The following NBAS variants were observed in gnomAD, a reference collection of about 807,000 sequenced individuals.
NBAS encodes NBAS subunit of NRZ tethering complex.
In NBAS, 219 loss-of-function variants were observed where a neutral mutation model predicts 302.5. The observed-to-expected ratio is 0.72, with a 90% CI of 0.65 to 0.81. The LOEUF (loss-of-function observed/expected upper bound fraction) is 0.81, where lower values mean the gene tolerates loss of function less well. Among genes scored for constraint, NBAS ranks in the 30% least tolerant of loss-of-function variants. NBAS has a pLI of 0.00. For missense variants in NBAS, 2,932 were observed against 2,841.6 expected (o/e 1.03, Z -0.72); for synonymous variants, 1,118 against 1,021.6 (o/e 1.09, Z -1.80).
At chr2:15,122,561 A>G in the NBAS span, among the ~76,000 whole-genome samples, 9,351 of 152,168 alleles carry the variant, frequency 0.061, 698 homozygotes, top group East Asian at 0.25. Flanking sequence ...TCACATTTCA[A>G]CATGAGATTT....
chr2:15,013,986 G>C, the NBAS span, among the ~76,000 whole-genome samples: 18 of 151,742 alleles, frequency 1.2e-4, no homozygotes, highest in African/African-American at 4.1e-4. Context: ...GAAACCAAAA[G>C]CAAACAAAAG....
chr2:15,538,561 T>A (rs1465785786), intron 7 of NBAS, among the ~76,000 whole-genome samples: 1 of 152,162 alleles, frequency 6.6e-6, no homozygotes, highest in Non-Finnish European at 1.5e-5. Flanking sequence ...GCTCCCCAGG[T>A]GATTCTAAGA....
chr2:14,811,085 A>T, the NBAS span, among the ~76,000 whole-genome samples: 2 of 152,252 alleles, frequency 1.3e-5, no homozygotes, highest in South Asian at 4.1e-4. Flanking sequence ...GTGGCTAATG[A>T]TATAGGGTTT....
At chr2:14,908,133 G>A in the NBAS span, among the ~76,000 whole-genome samples, 2 of 152,218 alleles carry the variant, frequency 1.3e-5, no homozygotes, top group African/African-American at 4.8e-5. Flanking sequence ...GGAGGCCGAG[G>A]CAGGCGGATC....
At chr2:15,051,027 C>T in the NBAS span, among the ~76,000 whole-genome samples, 1 of 152,174 alleles carries the variant, frequency 6.6e-6, no homozygotes, top group Non-Finnish European at 1.5e-5. Context: ...CAGCATATTA[C>T]TTATCCTTTT....
chr2:15,148,523 G>A, the NBAS span, among the ~76,000 whole-genome samples: 1 of 152,152 alleles, frequency 6.6e-6, no homozygotes, highest in African/African-American at 2.4e-5. Flanking sequence ...AGTGGTACCT[G>A]TGTGAAGTCT....
At chr2:14,909,176 C>T in the NBAS span, among the ~76,000 whole-genome samples, 1 of 151,706 alleles carries the variant, frequency 6.6e-6, no homozygotes, top group African/African-American at 2.4e-5. Context: ...AAACATTAGC[C>T]GGGCATGGTG....
chr2:15,134,121 T>A, the NBAS span, among the ~76,000 whole-genome samples: 1 of 150,166 alleles, frequency 6.7e-6, no homozygotes, highest in African/African-American at 2.4e-5. Flanking sequence ...CCTCCCCAAA[T>A]TCACATGTTG....
chr2:14,779,618 A>T, the NBAS span, among the ~76,000 whole-genome samples: 1 of 152,016 alleles, frequency 6.6e-6, no homozygotes, highest in East Asian at 1.9e-4. Flanking sequence ...TCACTCCTTT[A>T]GTTCTCACCT....
At chr2:15,468,202 T>G (rs1679807580) in intron 17 of NBAS, among the ~76,000 whole-genome samples, 180 bp downstream of exon 17, 1 of 152,218 alleles carries the variant, frequency 6.6e-6, no homozygotes, top group Non-Finnish European at 1.5e-5. Flanking sequence ...ATATTTATAT[T>G]TTTTAAAAAG....
the NBAS span, among the ~76,000 whole-genome samples, chr2:14,982,934 T>A: frequency 6.6e-6 from 1 of 152,104 alleles, no homozygotes; most frequent in East Asian, 1.9e-4. Context: ...AGAAAAAATA[T>A]CAAAAAGAGT....
chr2:15,307,742 T>C (rs1671091917), intron 40 of NBAS, among the ~76,000 whole-genome samples: 1 of 152,188 alleles, frequency 6.6e-6, no homozygotes, highest in African/African-American at 2.4e-5. Context: ...TCTGAGGTTT[T>C]TGGCAAGTAT....
chr2:15,286,286 T>C (rs1468549709), intron 42 of NBAS, among the ~76,000 whole-genome samples: 3 of 152,184 alleles, frequency 2.0e-5, no homozygotes, highest in African/African-American at 4.8e-5. Context: ...CCACCCTAAC[T>C]TTCCTAACAT....
At position 15,190,370 on chromosome 2, in the gene NBAS, G is replaced by A. The variant is rs575445500; in HGVS notation, c.6466C>T (p.Arg2156Cys). ...DIADIENEEN[R>C]YCLFMELLES... ...AGGAGTTCCATGAATAGACAGTAGCGGTTCTCTTCATTCTCAATGTCAGCT... is the reference window on the plus strand; with the variant it reads ...AGGAGTTCCATGAATAGACAGTAGCAGTTCTCTTCATTCTCAATGTCAGCT... Residue 2156 changes from arginine (R) to cysteine (C), a missense_variant, in exon 49 of 52, where the codon CGC becomes TGC. Arg to Cys is a radical substitution (Grantham distance 180, BLOSUM62 -3). Transcript: ENST00000281513. The A allele has an allele frequency of 1.4e-5, 22 of 1,613,832 alleles. No homozygotes were observed. The highest frequency in any genetic ancestry group is 1.3e-4 in the East Asian group (6 of 44,862).
At chr2:14,889,398 T>G in the NBAS span, among the ~76,000 whole-genome samples, 1 of 152,200 alleles carries the variant, frequency 6.6e-6, no homozygotes, top group Non-Finnish European at 1.5e-5. Flanking sequence ...CTAAACCAAC[T>G]GACTCCACAC....
intron 16 of NBAS, among the ~76,000 whole-genome samples, chr2:15,471,689 A>G (rs1336185519): frequency 2.6e-5 from 4 of 152,188 alleles, no homozygotes; most frequent in African/African-American, 9.6e-5. Flanking sequence ...ATGTTTGGAA[A>G]TGAGACCTTT....
chr2:15,074,348 A>AGGAAGGAAGGAT, the NBAS span, among the ~76,000 whole-genome samples: 2 of 146,476 alleles, frequency 1.4e-5, no homozygotes. Context: ...GAGGGAGGGA[A>AGGAAGGAAGGAT]GGAAGGAAGG....
At chr2:15,463,450 C>T (rs1679591495) in intron 19 of NBAS, among the ~76,000 whole-genome samples, 1 of 152,130 alleles carries the variant, frequency 6.6e-6, no homozygotes, top group Admixed American at 6.6e-5. Flanking sequence ...TCTTCCTAGT[C>T]GCATACTAAG....
the NBAS span, among the ~76,000 whole-genome samples, chr2:14,905,444 C>T: frequency 1.3e-5 from 2 of 152,166 alleles, no homozygotes; most frequent in African/African-American, 2.4e-5. Context: ...CTCAGTGCCT[C>T]CTGTGCCCAG....
Sources: allele counts gnomAD v4.1 joint callset (sites outside exome capture counted in the v4.1 genomes callset), GRCh38; gene constraint gnomAD v4.1.1; transcripts MANE v1.5; gene names NCBI Gene and HGNC (gene_info 2026-07-23, HGNC 2026-07-21).